The following ITPRID1 variants were observed in gnomAD, a reference collection of about 807,000 sequenced individuals.
ITPRID1 encodes protein ITPRID1.
ITPRID1 carries 96 observed loss-of-function variants against 95.4 expected under a neutral mutation model. The ratio of observed to expected loss-of-function variants is 1.01; its 90% CI spans 0.85 to 1.19. The LOEUF (loss-of-function observed/expected upper bound fraction) is 1.19. Ranked by LOEUF, ITPRID1 falls within the 50% of genes most tolerant of loss-of-function variation. ITPRID1 has a pLI of 0.00. For synonymous variants in ITPRID1, 510 were observed against 453.6 expected (o/e 1.12, Z -1.58); for missense variants, 1,339 against 1,252.9 (o/e 1.07, Z -1.04).
intron 5 of ITPRID1, among the ~76,000 whole-genome samples, chr7:31,557,772 C>T (rs1191222837): frequency 6.6e-6 from 1 of 152,130 alleles, no homozygotes; most frequent in Admixed American, 6.5e-5. Context: ...TGACAAAAGC[C>T]ACCCAGTTAG....
chr7:31,627,013 A>G (rs1788524584), intron 10 of ITPRID1, among the ~76,000 whole-genome samples: 1 of 152,270 alleles, frequency 6.6e-6, no homozygotes, highest in African/African-American at 2.4e-5. Flanking sequence ...ATGTATGTCT[A>G]AAACACATAT....
chr7:31,642,202 T>C lies in ITPRID1; in HGVS notation c.1255T>C (p.Cys419Arg), dbSNP rs895398783. 4 of 1,561,902 alleles carry C rather than the reference T, an allele frequency of 2.6e-6. No homozygotes were observed. The highest frequency in any genetic ancestry group is 3.5e-6 in the Non-Finnish European group (4 of 1,153,986). ...TGCCAGGGTGGACAGAGCAAATAGC[T>C]GCCAGTCTGACAGCAGCGGGTTCCT... is the stretch of plus-strand genomic sequence containing the variant. ...VGARVDRANS[C>R]QSDSSGFLEE... Residue 419 changes from cysteine (C) to arginine (R), a missense_variant, in exon 11 of 15, where the codon TGC (cysteine) becomes CGC (arginine). Cys to Arg is a radical substitution (Grantham distance 180). Transcript: ENST00000615280.
intron 10 of ITPRID1, among the ~76,000 whole-genome samples, chr7:31,601,611 T>C (rs1294231140): frequency 6.6e-6 from 1 of 152,214 alleles, no homozygotes; most frequent in East Asian, 1.9e-4. Context: ...AGTAACATCC[T>C]ACACATGAAT....
At chr7:31,517,800 G>C (rs568295495) in intron 1 of ITPRID1, 1 of 152,526 alleles carries the variant, frequency 6.6e-6, no homozygotes, top group Non-Finnish European at 1.5e-5. Context: ...AGCGTGGCCA[G>C]AGCAGACGCC....
chr7:31,617,905 AAAG>A (rs1424812010), intron 10 of ITPRID1, among the ~76,000 whole-genome samples: 1 of 152,222 alleles, frequency 6.6e-6, no homozygotes, highest in Non-Finnish European at 1.5e-5. Flanking sequence ...CACTGCAGGA[AAAG>A]AAGATAAAGT....
intron 10 of ITPRID1, among the ~76,000 whole-genome samples, chr7:31,606,840 G>A (rs555659718): frequency 6.6e-6 from 1 of 152,030 alleles, no homozygotes; most frequent in South Asian, 2.1e-4. Context: ...CTCTTTCTAT[G>A]CCTTTCAATA....
chr7:31,516,520 T>A (rs1174777371), intron 1 of ITPRID1, among the ~76,000 whole-genome samples: 1 of 152,032 alleles, frequency 6.6e-6, no homozygotes, highest in Non-Finnish European at 1.5e-5. Context: ...TGTGGCTGAG[T>A]TAGAGATGCC....
intron 12 of ITPRID1, among the ~76,000 whole-genome samples, chr7:31,644,479 T>G (rs1350184301): frequency 6.6e-6 from 1 of 152,174 alleles, no homozygotes; most frequent in Non-Finnish European, 1.5e-5. Flanking sequence ...TGTGTGGGTG[T>G]GTTACTCTTA....
chr7:31,615,715 G>A (rs1787140737), intron 10 of ITPRID1, among the ~76,000 whole-genome samples: 1 of 151,686 alleles, frequency 6.6e-6, no homozygotes, highest in Admixed American at 6.6e-5. Context: ...CCAATTGAAG[G>A]CTAATACCAG....
chr7:31,520,941 C>T (rs1562544218), intron 1 of ITPRID1, among the ~76,000 whole-genome samples: 1 of 151,876 alleles, frequency 6.6e-6, no homozygotes, highest in Non-Finnish European at 1.5e-5. Context: ...TGTAAGAACC[C>T]TGGCTTCACA....
At chr7:31,631,594 C>T (rs532328666) in intron 10 of ITPRID1, among the ~76,000 whole-genome samples, 1 of 151,888 alleles carries the variant, frequency 6.6e-6, no homozygotes, top group African/African-American at 2.4e-5. Flanking sequence ...TTTACAGAAG[C>T]GGATTTTTCT....
chr7:31,574,833 G>T (rs1026290214), intron 8 of ITPRID1, 91 bp downstream of exon 8: 3 of 1,130,812 alleles, frequency 2.7e-6, no homozygotes, highest in Non-Finnish European at 3.9e-6. Flanking sequence ...GTGTGAAGTA[G>T]CATGCAAACC....
intron 1 of ITPRID1, among the ~76,000 whole-genome samples, chr7:31,529,121 C>T (rs1783513182): frequency 6.6e-6 from 1 of 152,136 alleles, no homozygotes; most frequent in South Asian, 2.1e-4. Flanking sequence ...ACTGTTAGTT[C>T]TTACTCACAA....
chr7:31,595,343 C>A lies in ITPRID1; in HGVS notation c.1228+12152C>A, dbSNP rs59810785. Among the ~76,000 whole-genome samples, 147 of 67,614 alleles carry A rather than the reference C, an allele frequency of 2.2e-3. 1 individual carries two copies. Among genetic ancestry groups the A allele is most frequent in the African/African-American group, 7.7e-3 (141 of 18,194 alleles). The allele number at this position is 67,614 out of a possible 152,430, so 44.4% of individuals were successfully genotyped here. A position where few individuals can be genotyped will look rare whatever the true frequency, so the allele number is the denominator to read the frequency against. On this transcript the variant is annotated intron_variant, in intron 10 of 14. Coordinates refer to ENST00000615280, the MANE Select transcript of ITPRID1 (RefSeq NM_001257967.3). ...TACAGGTGTGAGCCACCATGCCCGG[C>A]CTACACACACACACACACACACACA...
chr7:31,538,187 C>A (rs188211979), intron 1 of ITPRID1, among the ~76,000 whole-genome samples: 3 of 152,236 alleles, frequency 2.0e-5, no homozygotes, highest in Admixed American at 6.5e-5. Flanking sequence ...ATGTACTCTT[C>A]CCATTCTTTA....
Position 31,643,075 on chromosome 7 carries a change from A to T in ITPRID1, c.1705A>T (p.Met569Leu). Reference sequence around the variant, plus strand: ...CAAATATGATCATCCTCTGGGGTTTATGGTAACCCACGTCACAGAAATGCA... The same window carrying T: ...CAAATATGATCATCCTCTGGGGTTTTTGGTAACCCACGTCACAGAAATGCA... The part of the protein sequence containing the change: ...TSKYDHPLGF[M>L]VTHVTEMQDS... Residue 569 changes from methionine (M) to leucine (L), a missense_variant, in exon 12 of 15, where the codon ATG (methionine) becomes TTG (leucine). Transcript: ENST00000615280. The T allele has an allele frequency of 3.7e-6, 6 of 1,614,032 alleles. No homozygotes were observed. The highest frequency in any genetic ancestry group is 5.1e-6 in the Non-Finnish European group (6 of 1,179,882).
chr7:31,628,361 T>C (rs921140988), intron 10 of ITPRID1, among the ~76,000 whole-genome samples: 1 of 151,820 alleles, frequency 6.6e-6, no homozygotes, highest in Non-Finnish European at 1.5e-5. Flanking sequence ...CTGGTCTCCC[T>C]GAGAATGCCT....
At chr7:31,600,728 C>T (rs745488991) in intron 10 of ITPRID1, among the ~76,000 whole-genome samples, 2 of 152,090 alleles carry the variant, frequency 1.3e-5, no homozygotes, top group Non-Finnish European at 2.9e-5. Flanking sequence ...TGGGAATCAT[C>T]GAGGCTTTCT....
downstream of ITPRID1, chr7:31,656,633 A>C (rs148271423): frequency 2.1e-4 from 66 of 316,518 alleles, no homozygotes; most frequent in African/African-American, 1.4e-3. Context: ...GAAGAGAATG[A>C]ACTGACTATG....
Sources: allele counts gnomAD v4.1 joint callset (sites outside exome capture counted in the v4.1 genomes callset), GRCh38; gene constraint gnomAD v4.1.1; transcripts MANE v1.5; gene names NCBI Gene and HGNC (gene_info 2026-07-23, HGNC 2026-07-21).